SDK1: variants seen among roughly 807,000 people sequenced by gnomAD.
The protein encoded by SDK1 is protein sidekick-1.
SDK1 carries 157 observed loss-of-function variants against 245.5 expected under a neutral mutation model. That is an observed-to-expected ratio of 0.64 (90% CI 0.56 to 0.73). The LOEUF (loss-of-function observed/expected upper bound fraction) is 0.73. Among genes scored for constraint, SDK1 ranks in the 30% least tolerant of loss-of-function variants. The pLI, the probability that SDK1 is intolerant of heterozygous loss-of-function variation, is 0.00. For synonymous variants in SDK1, 1,647 were observed against 1,278.5 expected, an observed-to-expected ratio of 1.29 and a Z score of -6.15; for missense variants, 3,583 against 3,002.3, an observed-to-expected ratio of 1.19 and a Z score of -4.52.
chr7:3,644,474 G>A (rs916025299), intron 4 of SDK1, among the ~76,000 whole-genome samples: 35 of 151,628 alleles, frequency 2.3e-4, no homozygotes, highest in African/African-American at 8.5e-4. Flanking sequence ...CTTTAAAAAG[G>A]CAGGTAAGGG....
At chr7:4,215,226 T>G (rs915113579) in intron 38 of SDK1, among the ~76,000 whole-genome samples, 1 of 152,138 alleles carries the variant, frequency 6.6e-6, no homozygotes, top group Admixed American at 6.5e-5. Context: ...TCAGCTTATA[T>G]CTCATCGGGG....
intron 1 of SDK1, among the ~76,000 whole-genome samples, chr7:3,318,185 A>G (rs550529477): frequency 6.6e-6 from 1 of 152,356 alleles, no homozygotes; most frequent in South Asian, 2.1e-4. Context: ...AGATCATTTC[A>G]TATTAGCACA....
rs146382994 is a variant in SDK1, at chr7:3,973,873, T to C, written c.1818-496T>C. 4.4e-3 allele frequency among the ~76,000 whole-genome samples: 672 copies of C among 152,176 alleles called. 5 individuals carry two copies. The highest frequency in any genetic ancestry group is 0.015 in the African/African-American group (640 of 41,532). Reference sequence around the variant, plus strand: ...TTTTTTTATTATTTTTTGGTTTAATTCATATGCCATAAAATTCACTCTTTT... The same window carrying C: ...TTTTTTTATTATTTTTTGGTTTAATCCATATGCCATAAAATTCACTCTTTT... On this transcript the variant is annotated intron_variant, in intron 12 of 44. Coordinates refer to ENST00000404826, the MANE Select transcript of SDK1 (RefSeq NM_152744.4).
At chr7:3,665,268 G>GC (rs1783490634) in intron 4 of SDK1, among the ~76,000 whole-genome samples, 1 of 152,176 alleles carries the variant, frequency 6.6e-6, no homozygotes, top group South Asian at 2.1e-4. Flanking sequence ...GATGCCTTGA[G>GC]CCCCCTCTTT....
chr7:3,362,778 A>G (rs1436106980), intron 1 of SDK1, among the ~76,000 whole-genome samples: 2 of 152,178 alleles, frequency 1.3e-5, no homozygotes, highest in African/African-American at 4.8e-5. Flanking sequence ...TGTAAAAGGT[A>G]CTTTTTGGAA....
intron 5 of SDK1, among the ~76,000 whole-genome samples, chr7:3,907,756 T>C (rs1182241633): frequency 6.6e-6 from 1 of 152,212 alleles, no homozygotes; most frequent in African/African-American, 2.4e-5. Flanking sequence ...ACATCATCCC[T>C]CATCTGTTTA....
intron 1 of SDK1, among the ~76,000 whole-genome samples, chr7:3,612,353 C>G (rs1201389063): frequency 6.6e-6 from 1 of 152,178 alleles, no homozygotes; most frequent in South Asian, 2.1e-4. Context: ...ATTTAAACCT[C>G]ACCCCAGAAG....
In SDK1 at chr7:3,504,182, A is replaced by ATATATGTGTG. The variant is rs375661314; in HGVS notation, c.299-114897_299-114896insATATGTGTGT. 3.8e-5 allele frequency among the ~76,000 whole-genome samples: 5 copies of ATATATGTGTG among 131,886 alleles called. No homozygotes were observed. The East Asian group carries it at 8.6e-4, about 23-fold the overall frequency. The allele number at this position is 131,886 out of a possible 152,430, so 86.5% of individuals were successfully genotyped here. A position where few individuals can be genotyped will look rare whatever the true frequency, so the allele number is the denominator to read the frequency against. ...AACCAAAAAAATTATATATATATAT[A>ATATATGTGTG]TGTGTGTGTGTGTGTGTGTGTGTGT... On this transcript the variant is annotated intron_variant, in intron 1 of 44. Coordinates refer to ENST00000404826, the MANE Select transcript of SDK1 (RefSeq NM_152744.4).
At chr7:3,797,784 C>G (rs989419570) in intron 4 of SDK1, among the ~76,000 whole-genome samples, 1 of 152,076 alleles carries the variant, frequency 6.6e-6, no homozygotes, top group Non-Finnish European at 1.5e-5. Flanking sequence ...GTTTTCAGAA[C>G]TGTTTCTCTC....
chr7:3,367,877 A>G (rs1446571327), intron 1 of SDK1, among the ~76,000 whole-genome samples: 1 of 152,216 alleles, frequency 6.6e-6, no homozygotes, highest in East Asian at 1.9e-4. Context: ...TTTAAAATGA[A>G]TATATAGGAA....
chr7:3,736,091 C>G (rs1163900130), intron 4 of SDK1, among the ~76,000 whole-genome samples: 1 of 152,006 alleles, frequency 6.6e-6, no homozygotes, highest in Non-Finnish European at 1.5e-5. Flanking sequence ...AATATTAACC[C>G]CTTATAAAAT....
At chr7:4,202,851 G>C (rs1293961891) in intron 35 of SDK1, among the ~76,000 whole-genome samples, 2 of 152,148 alleles carry the variant, frequency 1.3e-5, no homozygotes, top group African/African-American at 4.8e-5. Flanking sequence ...AGGTGAGGGG[G>C]CTGCAGCCCA....
chr7:3,373,187 A>G (rs1323011117), intron 1 of SDK1, among the ~76,000 whole-genome samples: 2 of 152,180 alleles, frequency 1.3e-5, no homozygotes, highest in East Asian at 3.8e-4. Context: ...AGCCTAGCCT[A>G]CCCTACCTTA....
rs186655993 is a variant in SDK1 at position 4,075,306 on chromosome 7, G to A, written c.3011-1692G>A. Among the ~76,000 whole-genome samples the A allele has an allele frequency of 1.8e-3, 268 of 152,270 alleles. 2 individuals are homozygous for A. The highest frequency in any genetic ancestry group is 1.8e-3 in the Non-Finnish European group (120 of 68,024). ...CCAGGCTGTACGGGGCCTGTGGCAC[G>A]GCCAGGGGGAGCAGTTTACGACATT... On this transcript the variant is annotated intron_variant, in intron 20 of 44. Coordinates refer to ENST00000404826, the MANE Select transcript of SDK1 (RefSeq NM_152744.4).
At chr7:3,432,789 A>G (rs1026378713) in intron 1 of SDK1, among the ~76,000 whole-genome samples, 62 of 152,204 alleles carry the variant, frequency 4.1e-4, no homozygotes, top group African/African-American at 1.4e-3. Flanking sequence ...CTCCACAAAT[A>G]TGGCAACAAA....
intron 4 of SDK1, among the ~76,000 whole-genome samples, chr7:3,662,041 ATTTTT>A (rs572659449): frequency 4.4e-4 from 55 of 125,740 alleles, no homozygotes; most frequent in African/African-American, 1.7e-3. Flanking sequence ...CAACGGTTGT[ATTTTT>A]TTTTTTTTTT....
At chr7:3,953,016 G>A (rs1197789243) in intron 7 of SDK1, among the ~76,000 whole-genome samples, 1 of 152,042 alleles carries the variant, frequency 6.6e-6, no homozygotes, top group Non-Finnish European at 1.5e-5. Flanking sequence ...TTGATAAGAG[G>A]TAGCCTTAGA....
At chr7:3,679,632 C>G (rs1294731891) in intron 4 of SDK1, among the ~76,000 whole-genome samples, 1 of 152,192 alleles carries the variant, frequency 6.6e-6, no homozygotes, top group African/African-American at 2.4e-5. Context: ...ATACAGATGT[C>G]AAACAGGTAT....
At chr7:4,193,050 TATATA>T (rs1435954361) in intron 35 of SDK1, among the ~76,000 whole-genome samples, 1 of 139,496 alleles carries the variant, frequency 7.2e-6, no homozygotes, top group East Asian at 2.0e-4. Context: ...GATACAAAAA[TATATA>T]ATATATATTA....
Sources: allele counts gnomAD v4.1 joint callset (sites outside exome capture counted in the v4.1 genomes callset), GRCh38; gene constraint gnomAD v4.1.1; transcripts MANE v1.5; gene names NCBI Gene and HGNC (gene_info 2026-07-23, HGNC 2026-07-21).